SCHIP1: variants seen among roughly 807,000 people sequenced by gnomAD.
The protein encoded by SCHIP1 is schwannomin interacting protein 1, also known as schwannomin-interacting protein 1.
In SCHIP1, 8 loss-of-function variants were observed where a neutral mutation model predicts 29.7. That is an observed-to-expected ratio of 0.27 (90% CI 0.16 to 0.49). The LOEUF is 0.49. Among genes scored for constraint, SCHIP1 ranks in the 20% least tolerant of loss-of-function variants. The pLI is 0.99. For synonymous variants in SCHIP1, 76 were observed against 94.9 expected (o/e 0.80, Z 1.16); for missense variants, 193 against 294.6 (o/e 0.66, Z 2.52).
the SCHIP1 span, among the ~76,000 whole-genome samples, chr3:159,565,242 A>C: frequency 6.6e-6 from 1 of 152,178 alleles, no homozygotes; most frequent in African/African-American, 2.4e-5. Context: ...TTATCTCATT[A>C]ACCCCATCTA....
chr3:159,764,351 G>T, the SCHIP1 span: 1 of 1,455,012 alleles, frequency 6.9e-7, no homozygotes, highest in Non-Finnish European at 9.2e-7. The surrounding 1 kb of genome is among the most constrained non-coding windows in gnomAD (Gnocchi z 6.1). Context: ...CGGGCGCAGG[G>T]TGCGGGGCAC....
At chr3:159,731,109 T>C in the SCHIP1 span, among the ~76,000 whole-genome samples, 3 of 152,196 alleles carry the variant, frequency 2.0e-5, no homozygotes, top group Non-Finnish European at 4.4e-5. Context: ...CACTGGATAT[T>C]AGGCATAGTA....
chr3:159,867,609 T>C (rs1418803931), intron 2 of SCHIP1, among the ~76,000 whole-genome samples: 2 of 152,192 alleles, frequency 1.3e-5, no homozygotes, highest in Non-Finnish European at 2.9e-5. Flanking sequence ...GAACATTCCC[T>C]TGTGTTCCTA....
the SCHIP1 span, among the ~76,000 whole-genome samples, chr3:159,420,487 C>A: frequency 3.3e-5 from 5 of 152,134 alleles, no homozygotes. Context: ...AGACAATGAC[C>A]TTAAAGTCAC....
the SCHIP1 span, among the ~76,000 whole-genome samples, chr3:159,535,352 A>G: frequency 6.6e-6 from 1 of 152,152 alleles, no homozygotes; most frequent in Non-Finnish European, 1.5e-5. Context: ...CTCTCAGGTC[A>G]CTATCCTAAT....
At chr3:159,340,031 A>G in the SCHIP1 span, among the ~76,000 whole-genome samples, 2 of 152,104 alleles carry the variant, frequency 1.3e-5, no homozygotes, top group Admixed American at 1.3e-4. Flanking sequence ...TCAGTTTTCA[A>G]TTATTAGTTT....
chr3:159,872,801 C>G (rs1577469665), intron 2 of SCHIP1, among the ~76,000 whole-genome samples: 1 of 152,106 alleles, frequency 6.6e-6, no homozygotes, highest in Non-Finnish European at 1.5e-5. Context: ...AGGAGAAAAG[C>G]CTTTAGAATG....
the SCHIP1 span, among the ~76,000 whole-genome samples, chr3:159,828,430 C>CGT: frequency 1.3e-4 from 12 of 91,552 alleles, 1 homozygote; most frequent in Admixed American, 1.2e-3. Context: ...TATATATATA[C>CGT]GTATATATAC....
At chr3:159,563,414 A>G in the SCHIP1 span, among the ~76,000 whole-genome samples, 1 of 152,144 alleles carries the variant, frequency 6.6e-6, no homozygotes. Flanking sequence ...TATAACCTAT[A>G]GTTATATTTA....
At chr3:159,455,857 G>A in the SCHIP1 span, among the ~76,000 whole-genome samples, 1 of 152,210 alleles carries the variant, frequency 6.6e-6, no homozygotes. Context: ...TCCTGGGCTG[G>A]TGAGTAGTAA....
the SCHIP1 span, among the ~76,000 whole-genome samples, chr3:159,594,848 G>A: frequency 1.3e-5 from 2 of 152,144 alleles, no homozygotes; most frequent in South Asian, 4.1e-4. Flanking sequence ...AGGAAGCCTG[G>A]TTGTTCACTT....
At chr3:159,326,831 G>A in the SCHIP1 span, among the ~76,000 whole-genome samples, 1,196 of 152,242 alleles carry the variant, frequency 7.9e-3, 15 homozygotes, top group African/African-American at 0.028. Flanking sequence ...TTCCACAAAA[G>A]CATTACTTGG....
chr3:159,306,312 C>A, the SCHIP1 span, among the ~76,000 whole-genome samples: 1 of 152,194 alleles, frequency 6.6e-6, no homozygotes, highest in African/African-American at 2.4e-5. Flanking sequence ...TTTAATAATG[C>A]CTATGTTTAA....
At chr3:159,301,742 G>C in the SCHIP1 span, among the ~76,000 whole-genome samples, 1 of 152,138 alleles carries the variant, frequency 6.6e-6, no homozygotes, top group East Asian at 1.9e-4. Context: ...TTTGCCTTCC[G>C]TCATGTTTGT....
chr3:159,468,309 C>T, the SCHIP1 span, among the ~76,000 whole-genome samples: 4 of 152,072 alleles, frequency 2.6e-5, no homozygotes, highest in East Asian at 5.8e-4. Flanking sequence ...ATAATAATGT[C>T]GTATGTGTTA....
At chr3:159,815,785 C>T in the SCHIP1 span, among the ~76,000 whole-genome samples, 3 of 152,188 alleles carry the variant, frequency 2.0e-5, no homozygotes, top group South Asian at 4.1e-4. Context: ...ACCTGGTCTT[C>T]GTTTCCCATA....
the SCHIP1 span, among the ~76,000 whole-genome samples, chr3:159,775,758 G>A: frequency 1.3e-5 from 2 of 152,174 alleles, 1 homozygote; most frequent in South Asian, 4.1e-4. Flanking sequence ...GTAAGTCCTG[G>A]CAGCTCCTAA....
At chr3:159,453,509 C>A in the SCHIP1 span, among the ~76,000 whole-genome samples, 1 of 152,298 alleles carries the variant, frequency 6.6e-6, no homozygotes, top group East Asian at 1.9e-4. Context: ...TTGCTGCTTT[C>A]ACTTAGCTGT....
chr3:159,764,926 CA>C, the SCHIP1 span: 1 of 1,511,440 alleles, frequency 6.6e-7, no homozygotes, highest in Non-Finnish European at 8.8e-7. The surrounding 1 kb of genome is among the most constrained non-coding windows in gnomAD (Gnocchi z 6.1). Flanking sequence ...CCGGGCGATC[CA>C]AAAGCCCCAG....
Sources: allele counts gnomAD v4.1 joint callset (sites outside exome capture counted in the v4.1 genomes callset), GRCh38; gene constraint gnomAD v4.1.1; non-coding constraint Gnocchi (gnomAD v3.1); transcripts MANE v1.5; gene names NCBI Gene and HGNC (gene_info 2026-07-23, HGNC 2026-07-21).